The following TLN1 variants were observed in gnomAD, a reference collection of about 807,000 sequenced individuals.
The protein encoded by TLN1 is talin 1.
A neutral mutation model predicts 292.3 loss-of-function variants in TLN1; 56 were observed. That is an observed-to-expected ratio of 0.19 (90% CI 0.15 to 0.24). The LOEUF is 0.24. TLN1 is among the 10% of genes least tolerant of loss of function. The pLI, the probability that TLN1 is intolerant of heterozygous loss-of-function variation, is 1.00. For synonymous variants in TLN1, 1,119 were observed against 1,253.7 expected, an observed-to-expected ratio of 0.89 and a Z score of 2.27; for missense variants, 2,433 against 3,248.2, an observed-to-expected ratio of 0.75 and a Z score of 6.10.
intron 31 of TLN1, 34 bp downstream of exon 31, chr9:35,710,955 C>A: frequency 6.2e-7 from 1 of 1,613,980 alleles, no homozygotes; most frequent in Non-Finnish European, 8.5e-7. Flanking sequence ...ACACTTCCCT[C>A]AACCTCAATG....
At chr9:35,703,205 G>A (rs1308496093) in intron 48 of TLN1, among the ~76,000 whole-genome samples, 1 of 152,174 alleles carries the variant, frequency 6.6e-6, no homozygotes, top group African/African-American at 2.4e-5. Context: ...GCTGAGGCAT[G>A]AGAAGCACTT....
In TLN1 at chr9:35,698,859, T is replaced by C. The variant is rs779169389; in HGVS notation, c.7074A>G (p.Ala2358=). 6.2e-7 allele frequency: 1 copy of C among 1,614,180 alleles called. No homozygotes were observed. Among genetic ancestry groups the C allele is most frequent in the Non-Finnish European group, 8.5e-7 (1 of 1,180,026 alleles). Residue 2358 remains alanine, a synonymous_variant, in exon 53 of 57, where the codon GCA becomes GCG. Transcript: ENST00000314888. The surrounding 1 kb of genome is among the most constrained non-coding windows in gnomAD (Gnocchi z 5.3). ...GGGCAGCCGACGCAGCCTTTACCAG[T>C]GCACTGGTGGCTGCTGCAATGGACT... ...AAKSIAAATS[A]LVKAASAAQR...
chr9:35,717,575 A>G lies in TLN1; in HGVS notation c.2163+44T>C, dbSNP rs1225343534. Reference sequence around the variant, plus strand: ...AATGAAAGGCTCACGTGTGTGTGGTAGTATTACCCCTCAGCACGGACTAGA... The same window carrying G: ...AATGAAAGGCTCACGTGTGTGTGGTGGTATTACCCCTCAGCACGGACTAGA... On this transcript the variant is annotated intron_variant, in intron 18 of 56. Transcript: ENST00000314888. This position sits in a 1 kb window ranked among gnomAD's most constrained non-coding sequence, Gnocchi z 4.7. 6.3e-7 allele frequency: 1 copy of G among 1,590,590 alleles called. No homozygotes were observed. The highest frequency in any genetic ancestry group is 1.3e-5 in the African/African-American group (1 of 74,616).
rs763048749 is a variant in TLN1 at position 35,714,571 on chromosome 9, T to C, written c.2985+3A>G. ...TCAGAGAAGTGCAGAGGGGGTGCCT[T>C]GCCTGCAGGAAGCTCTGGCTGGCAG... On this transcript the variant is annotated splice_donor_region_variant and intron_variant, in intron 23 of 56. Coordinates refer to ENST00000314888, the MANE Select transcript of TLN1 (RefSeq NM_006289.4). The surrounding 1 kb of genome is among the most constrained non-coding windows in gnomAD (Gnocchi z 4.6). The C allele has an allele frequency of 3.7e-6, 6 of 1,608,878 alleles. No homozygotes were observed. Among genetic ancestry groups the C allele is most frequent in the Non-Finnish European group, 5.1e-6 (6 of 1,179,936 alleles).
In TLN1 at chr9:35,714,034, C is replaced by A; in HGVS notation, c.3168G>T (p.Val1056=). The change falls in exon 25 of 57, where the codon GTG becomes GTT. Residue 1056 remains valine, a synonymous_variant. Coordinates refer to ENST00000314888, the MANE Select transcript of TLN1 (RefSeq NM_006289.4). The surrounding 1 kb of genome is among the most constrained non-coding windows in gnomAD (Gnocchi z 4.6). ...GPLEMDSALS[V]VQNLEKDLQE... Reference sequence around the variant, plus strand: ...GTAGATCTTTCTCTAGATTCTGTACCACACTCAGTGCAGAATCCATCTCCA... The same window carrying A: ...GTAGATCTTTCTCTAGATTCTGTACAACACTCAGTGCAGAATCCATCTCCA... 6.2e-7 allele frequency: 1 copy of A among 1,614,090 alleles called. No individual in the cohort carries two copies.
In TLN1 at chr9:35,707,497, G is replaced by C; in HGVS notation, c.4633-9C>G. 9 of 1,613,432 alleles carry C rather than the reference G, an allele frequency of 5.6e-6. No homozygotes were observed. Among genetic ancestry groups the C allele is most frequent in the Non-Finnish European group, 7.6e-6 (9 of 1,179,532 alleles). On this transcript the variant is annotated splice_polypyrimidine_tract_variant and intron_variant, in intron 35 of 56. Transcript: ENST00000314888. The surrounding 1 kb of genome is among the most constrained non-coding windows in gnomAD (Gnocchi z 5.6). ...AAGGCCCCATCTAGCGCCTAGAAGT[G>C]ACAGAGAGGCTCTCAGGACTTGGGA...
In TLN1 at chr9:35,717,045, G is replaced by C; in HGVS notation, c.2458+101C>G. ...GGCTGGCAAGCCCACACTGTGCTGAGTTCCTTGGGGTGAAGTGGTTAGGTC... is the reference window on the plus strand; with the variant it reads ...GGCTGGCAAGCCCACACTGTGCTGACTTCCTTGGGGTGAAGTGGTTAGGTC... On this transcript the variant is annotated intron_variant, in intron 19 of 56. Coordinates refer to ENST00000314888, the MANE Select transcript of TLN1 (RefSeq NM_006289.4). The surrounding 1 kb of genome is among the most constrained non-coding windows in gnomAD (Gnocchi z 4.7). 1 of 1,373,756 alleles carries C rather than the reference G, an allele frequency of 7.3e-7. No homozygotes were observed. The highest frequency in any genetic ancestry group is 9.9e-7 in the Non-Finnish European group (1 of 1,012,488). 85.1% of individuals were successfully genotyped at this position (1,373,756 alleles called of 1,614,324 possible). A position where few individuals can be genotyped will look rare whatever the true frequency, so the allele number is the denominator to read the frequency against.
intron 48 of TLN1, among the ~76,000 whole-genome samples, chr9:35,700,742 T>C (rs1825451101): frequency 6.6e-6 from 1 of 152,164 alleles, no homozygotes; most frequent in Non-Finnish European, 1.5e-5. Context: ...TTCTGGAATA[T>C]AGGAATGGTG....
rs1401804152 is a variant in TLN1, at chr9:35,719,691, T to C, written c.1578+49A>G. On this transcript the variant is annotated intron_variant, in intron 14 of 56. Coordinates refer to ENST00000314888, the MANE Select transcript of TLN1 (RefSeq NM_006289.4). The surrounding 1 kb of genome is among the most constrained non-coding windows in gnomAD (Gnocchi z 4.6). ...TTTGGTTCACCTCATCCCTATCCCT[T>C]GGAGTCTCAGCTTCAGTACCACCGG... 3 of 1,611,720 alleles carry C rather than the reference T, an allele frequency of 1.9e-6. No individual in the cohort carries two copies. The African/African-American group carries it at 4.0e-5, about 22-fold the overall frequency.
At chr9:35,715,251 T>G in intron 20 of TLN1, 64 bp from the exon 21 acceptor site, 1 of 1,582,368 alleles carries the variant, frequency 6.3e-7, no homozygotes, top group South Asian at 1.1e-5. Flanking sequence ...GAAGCTCCTC[T>G]CTCACTCCTC....
At position 35,704,580 on chromosome 9, in the gene TLN1, C is replaced by A; in HGVS notation, c.5881-82G>T. 6.3e-7 allele frequency: 1 copy of A among 1,588,888 alleles called. No homozygotes were observed. Among genetic ancestry groups the A allele is most frequent in the South Asian group, 1.1e-5 (1 of 87,916 alleles). On this transcript the variant is annotated intron_variant, in intron 44 of 56. Coordinates refer to ENST00000314888, the MANE Select transcript of TLN1 (RefSeq NM_006289.4). This position sits in a 1 kb window ranked among gnomAD's most constrained non-coding sequence, Gnocchi z 6.9. ...TGCCCATGCCTGGGAGAAGTGACAA[C>A]AGGAGAGGGCTGAGAGGGCTGGAGG...
At position 35,711,753 on chromosome 9, in the gene TLN1, G is replaced by A. The variant is rs770655381; in HGVS notation, c.3721C>T (p.Arg1241Trp). The A allele has an allele frequency of 8.1e-6, 13 of 1,614,090 alleles. No homozygotes were observed. The highest frequency in any genetic ancestry group is 4.4e-5 in the South Asian group (4 of 91,076). The change falls in exon 29 of 57, where the codon CGG (arginine) becomes TGG (tryptophan). Residue 1241 changes from arginine (R) to tryptophan (W), a missense_variant. Physicochemically the swap from Arg to Trp is moderately radical, Grantham distance 101. Transcript: ENST00000314888. ...STGTFQEAQS[R>W]LNEAAAGLNQ... Reference sequence around the variant, plus strand: ...AGCCCAGCAGCAGCTTCATTCAACCGGCTCTGAGCTTCTTGAAATGTCCCA... The same window carrying A: ...AGCCCAGCAGCAGCTTCATTCAACCAGCTCTGAGCTTCTTGAAATGTCCCA...
intron 1 of TLN1, among the ~76,000 whole-genome samples, chr9:35,729,374 G>A (rs1195113483): frequency 6.6e-6 from 1 of 152,196 alleles, no homozygotes; most frequent in Non-Finnish European, 1.5e-5. Flanking sequence ...GAAGTGAGCA[G>A]GCAGGCTGTT....
At chr9:35,703,451 A>T in intron 48 of TLN1, 109 bp downstream of exon 48, 1 of 1,068,038 alleles carries the variant, frequency 9.4e-7, no homozygotes, top group South Asian at 1.3e-5. Flanking sequence ...TAGATGAGAG[A>T]GAAGACTGTG....
chr9:35,705,436 T>G, intron 43 of TLN1, 115 bp downstream of exon 43: 1 of 1,118,736 alleles, frequency 8.9e-7, no homozygotes, highest in South Asian at 1.6e-5. Flanking sequence ...AGAGTGGCCC[T>G]GAGGCTGTTC....
rs910238793 is a variant in TLN1 at position 35,720,442 on chromosome 9, G to A, written c.1274C>T (p.Ser425Phe). The part of the protein sequence containing the change: ...EESTMLEDSV[S>F]PKKSTVLQQQ... The stretch of plus-strand genomic sequence containing the variant: ...CCAACTCCCTTCGTACTTTTTGGGG[G>A]ACACTGAGTCCTCCAGCATAGTAGA... The change falls in exon 12 of 57, where the codon TCC (serine) becomes TTC (phenylalanine). Residue 425 changes from serine to phenylalanine, a missense_variant. This residue lies in a region of TLN1 where 617 missense variants were observed against 770.6 expected (regional missense o/e 0.80). Coordinates refer to ENST00000314888, the MANE Select transcript of TLN1 (RefSeq NM_006289.4). The A allele has an allele frequency of 1.2e-6, 2 of 1,613,968 alleles. No individual in the cohort carries two copies. Among genetic ancestry groups the A allele is most frequent in the African/African-American group, 2.7e-5 (2 of 74,994 alleles).
chr9:35,708,013 C>T (rs1223578657), intron 34 of TLN1, 121 bp from the exon 35 acceptor site: 3 of 1,185,548 alleles, frequency 2.5e-6, no homozygotes, highest in Non-Finnish European at 3.5e-6. Flanking sequence ...ACAGGAATAA[C>T]AGAGTCACCT....
chr9:35,732,085 T>C lies in TLN1; in HGVS notation c.-44A>G, dbSNP rs140986479. On this transcript the variant is annotated 5_prime_UTR_variant, in exon 1 of 57. Coordinates refer to ENST00000314888, the MANE Select transcript of TLN1 (RefSeq NM_006289.4). This position sits in a 1 kb window ranked among gnomAD's most constrained non-coding sequence, Gnocchi z 5.1. The stretch of plus-strand genomic sequence containing the variant: ...CCCGGTCTGGCCTACCTGCGCTGCC[T>C]GGCTCTGCGCCCCGCCCGCCGGCCC... The C allele has an allele frequency of 0.053, 8,068 of 151,108 alleles. 247 individuals are homozygous for C. The highest frequency in any genetic ancestry group is 0.076 in the African/African-American group (3,077 of 40,500). 9.4% of individuals were successfully genotyped at this position (151,108 alleles called of 1,614,324 possible). A position where few individuals can be genotyped will look rare whatever the true frequency, so the allele number is the denominator to read the frequency against.
At position 35,717,006 on chromosome 9, in the gene TLN1, G is replaced by T; in HGVS notation, c.2458+140C>A. The T allele has an allele frequency of 1.1e-6, 1 of 895,800 alleles. No homozygotes were observed. Among genetic ancestry groups the T allele is most frequent in the Non-Finnish European group, 1.7e-6 (1 of 598,326 alleles). The allele number at this position is 895,800 out of a possible 1,614,324, so 55.5% of individuals were successfully genotyped here. On this transcript the variant is annotated intron_variant, in intron 19 of 56. Transcript: ENST00000314888. The surrounding 1 kb of genome is among the most constrained non-coding windows in gnomAD (Gnocchi z 4.7). ...AGGGTTCAGAGAGCTTTAATGATGA[G>T]CCTATGGTTGTGTGGCTGGCAAGCC...
Sources: allele counts gnomAD v4.1 joint callset (sites outside exome capture counted in the v4.1 genomes callset), GRCh38; gene constraint gnomAD v4.1.1; regional missense constraint gnomAD v4.1.1; non-coding constraint Gnocchi (gnomAD v3.1); transcripts MANE v1.5; gene names NCBI Gene and HGNC (gene_info 2026-07-23, HGNC 2026-07-21).